CSMD1: variants seen among roughly 807,000 people sequenced by gnomAD.
CSMD1 encodes CUB and sushi domain-containing protein 1.
Under a neutral mutation model 417.5 loss-of-function variants are expected in CSMD1, and 213 were observed. That is an observed-to-expected ratio of 0.51 (90% CI 0.46 to 0.57). CSMD1 has a LOEUF of 0.57. Among genes scored for constraint, CSMD1 ranks in the 20% least tolerant of loss-of-function variants. CSMD1 has a pLI of 0.00. For synonymous variants in CSMD1, 2,862 were observed against 1,736.8 expected (o/e 1.65, Z -16.11); for missense variants, 6,923 against 4,529.7 (o/e 1.53, Z -15.17).
intron 23 of CSMD1, among the ~76,000 whole-genome samples, chr8:3,331,887 G>A (rs576732226): frequency 1.3e-5 from 2 of 152,176 alleles, no homozygotes; most frequent in East Asian, 1.9e-4. Context: ...AGAGTGTCCT[G>A]TCCTCCAGAG....
At chr8:4,493,988 A>C (rs118045181) in intron 2 of CSMD1, among the ~76,000 whole-genome samples, 1 of 152,218 alleles carries the variant, frequency 6.6e-6, no homozygotes, top group African/African-American at 2.4e-5. Flanking sequence ...AAATGCCTTA[A>C]GCATGTACAC....
At chr8:4,299,764 G>A (rs972519305) in intron 3 of CSMD1, among the ~76,000 whole-genome samples, 6 of 152,010 alleles carry the variant, frequency 3.9e-5, no homozygotes, top group African/African-American at 1.5e-4. Flanking sequence ...CCGAGTAGCT[G>A]AGATTACAGG....
Position 4,905,938 on chromosome 8 carries a change from T to A in CSMD1, c.85+88394A>T, listed in dbSNP as rs1235876362. On this transcript the variant is annotated intron_variant, in intron 1 of 69. Coordinates refer to ENST00000635120, the MANE Select transcript of CSMD1 (RefSeq NM_033225.6). ...CACTCTTTCCTTTCACCAGTCCCAG[T>A]TTCCCAAACCCCCATTCATTCTTCC... 3.3e-5 allele frequency among the ~76,000 whole-genome samples: 5 copies of A among 152,114 alleles called. No homozygotes were observed. In the East Asian group the frequency reaches 5.8e-4, roughly 18 times the overall value.
chr8:3,529,481 T>G (rs1454614507), intron 10 of CSMD1, among the ~76,000 whole-genome samples: 28 of 152,284 alleles, frequency 1.8e-4, no homozygotes, highest in Non-Finnish European at 4.4e-5. Context: ...AGGAAGAAAT[T>G]GGGATTATGT....
At chr8:3,886,033 A>G (rs532787873) in intron 5 of CSMD1, among the ~76,000 whole-genome samples, 70 of 150,606 alleles carry the variant, frequency 4.6e-4, no homozygotes, top group African/African-American at 1.4e-3. Flanking sequence ...ATACATACAT[A>G]TATATATATA....
At chr8:3,366,484 T>C (rs547327183) in intron 20 of CSMD1, among the ~76,000 whole-genome samples, 21 of 152,328 alleles carry the variant, frequency 1.4e-4, no homozygotes, top group Non-Finnish European at 2.9e-4. Context: ...AAATATTATC[T>C]ATATATTATC....
intron 3 of CSMD1, among the ~76,000 whole-genome samples, chr8:4,385,170 TC>T (rs34440038): frequency 0.84 from 127,341 of 152,014 alleles, 53,699 homozygotes; most frequent in African/African-American, 0.92. Context: ...CAGGTGATCC[TC>T]CCCGTCTCGG....
At chr8:4,144,461 G>C (rs765037069) in intron 3 of CSMD1, among the ~76,000 whole-genome samples, 3 of 151,138 alleles carry the variant, frequency 2.0e-5, no homozygotes, top group Admixed American at 6.6e-5. Flanking sequence ...TGCTCCATGA[G>C]CATATCCCAT....
chr8:3,455,049 C>A (rs558058991), intron 12 of CSMD1, among the ~76,000 whole-genome samples: 1 of 152,282 alleles, frequency 6.6e-6, no homozygotes, highest in Non-Finnish European at 1.5e-5. Context: ...CCTCTCGCTT[C>A]ATTTCATTCA....
At chr8:4,548,663 G>C (rs545797065) in intron 2 of CSMD1, among the ~76,000 whole-genome samples, 2 of 152,040 alleles carry the variant, frequency 1.3e-5, no homozygotes, top group African/African-American at 4.8e-5. Flanking sequence ...TCACAATTAG[G>C]TGTTTGATTT....
chr8:3,972,577 T>G (rs956656202), intron 5 of CSMD1, among the ~76,000 whole-genome samples: 5 of 152,220 alleles, frequency 3.3e-5, no homozygotes, highest in Non-Finnish European at 7.3e-5. Context: ...CTTATGCTAT[T>G]CATCTTTATA....
chr8:3,547,075 G>C (rs910882130), intron 10 of CSMD1, among the ~76,000 whole-genome samples: 4 of 151,234 alleles, frequency 2.6e-5, no homozygotes, highest in Non-Finnish European at 4.4e-5. Context: ...ACCTGACTTA[G>C]ACAGCAGGAC....
chr8:4,534,085 A>C (rs181729969), intron 2 of CSMD1, among the ~76,000 whole-genome samples: 1 of 152,286 alleles, frequency 6.6e-6, no homozygotes, highest in East Asian at 1.9e-4. Flanking sequence ...AATTATCTCA[A>C]CAGATTATGT....
intron 3 of CSMD1, among the ~76,000 whole-genome samples, chr8:4,196,260 G>C (rs1799335487): frequency 6.6e-6 from 1 of 152,104 alleles, no homozygotes; most frequent in Non-Finnish European, 1.5e-5. Context: ...GCTGTGTCAA[G>C]CCACTCTTTT....
chr8:3,636,265 T>G (rs1485932650), intron 7 of CSMD1, among the ~76,000 whole-genome samples: 2 of 152,152 alleles, frequency 1.3e-5, no homozygotes, highest in East Asian at 3.9e-4. Flanking sequence ...GATGCCTTCT[T>G]CTGGAATCCC....
chr8:4,612,398 G>A (rs907754518), intron 2 of CSMD1, among the ~76,000 whole-genome samples: 1 of 152,128 alleles, frequency 6.6e-6, no homozygotes, highest in African/African-American at 2.4e-5. Flanking sequence ...GTCTACACTG[G>A]AATTCCAAAT....
chr8:4,921,668 G>A (rs1019446931), intron 1 of CSMD1, among the ~76,000 whole-genome samples: 2 of 152,000 alleles, frequency 1.3e-5, no homozygotes, highest in African/African-American at 4.8e-5. Context: ...GAAGTGATGG[G>A]TGTGTGTGTG....
At position 4,810,216 on chromosome 8, in the gene CSMD1, G is replaced by T. The variant is rs149594835; in HGVS notation, c.86-172658C>A. Among the ~76,000 whole-genome samples the T allele has an allele frequency of 1.2e-4, 19 of 152,282 alleles. No homozygotes were observed. In the East Asian group the frequency reaches 3.7e-3, roughly 29 times the overall value. On this transcript the variant is annotated intron_variant, in intron 1 of 69. Transcript: ENST00000635120. ...TTAACTCACATCCATTCCCTGTCAT[G>T]TATTAAAAGTAAATGGATGCAGATT...
At position 4,436,012 on chromosome 8, in the gene CSMD1, C is replaced by A. The variant is rs114518447; in HGVS notation, c.303-15947G>T. On this transcript the variant is annotated intron_variant, in intron 2 of 69. Transcript: ENST00000635120. ...ACAAACATATTGAATTAACTTCATA[C>A]GCAGCAGCTTGTTAAAATATAAGAC... 4.4e-3 allele frequency among the ~76,000 whole-genome samples: 677 copies of A among 152,284 alleles called. 4 individuals are homozygous for A. Among genetic ancestry groups the A allele is most frequent in the African/African-American group, 0.015 (638 of 41,566 alleles).
Sources: allele counts gnomAD v4.1 joint callset (sites outside exome capture counted in the v4.1 genomes callset), GRCh38; gene constraint gnomAD v4.1.1; transcripts MANE v1.5; gene names NCBI Gene and HGNC (gene_info 2026-07-23, HGNC 2026-07-21).